The following RNF17 variants were observed in gnomAD, a reference collection of about 807,000 sequenced individuals.
RNF17 encodes ring finger protein 17.
A neutral mutation model predicts 200.5 loss-of-function variants in RNF17; 31 were observed. The observed-to-expected ratio is 0.15, with a 90% confidence interval of 0.12 to 0.21. The LOEUF (loss-of-function observed/expected upper bound fraction) is 0.21, where lower values mean the gene tolerates loss of function less well. Among genes scored for constraint, RNF17 ranks in the 10% least tolerant of loss-of-function variants. The pLI, the probability that RNF17 is intolerant of heterozygous loss-of-function variation, is 1.00. For missense variants in RNF17, 1,628 were observed against 1,905.1 expected (o/e 0.85, Z 2.71); for synonymous variants, 606 against 637.8 (o/e 0.95, Z 0.75).
rs148124136 is a variant in RNF17 at position 24,790,543 on chromosome 13, T to A, written c.935+771T>A. On this transcript the variant is annotated intron_variant, in intron 9 of 35. Transcript: ENST00000255324. Reference sequence around the variant, plus strand: ...ATTTCAAGTTCTCAGTAGCCACATGTCGTTAGTGACTACCTGTCTTATTCT... The same window carrying A: ...ATTTCAAGTTCTCAGTAGCCACATGACGTTAGTGACTACCTGTCTTATTCT... 4.4e-3 allele frequency among the ~76,000 whole-genome samples: 663 copies of A among 152,312 alleles called. 2 individuals carry two copies. The highest frequency in any genetic ancestry group is 6.8e-3 in the Middle Eastern group (2 of 294).
At chr13:24,765,216 C>T (rs576663233) in intron 1 of RNF17, among the ~76,000 whole-genome samples, 4 of 152,206 alleles carry the variant, frequency 2.6e-5, no homozygotes, top group Admixed American at 6.5e-5. Flanking sequence ...AGGGTTTCAC[C>T]GTGTTAGCCA....
Position 24,854,120 on chromosome 13 carries a change from A to G in RNF17, c.3586A>G (p.Ile1196Val), listed in dbSNP as rs557193633. Residue 1196 changes from isoleucine to valine, a missense_variant, in exon 25 of 36, where the codon ATA (isoleucine) becomes GTA (valine). Coordinates refer to ENST00000255324, the MANE Select transcript of RNF17 (RefSeq NM_031277.3). ...TVSCVGDDGT[I>V]FVVPKLSEFE... ...CAGCTGTGTTGGTGATGATGGAACT[A>G]TATTTGTAGTACCTAAACTATCAGG... 1.4e-5 allele frequency: 22 copies of G among 1,613,290 alleles called. No individual in the cohort carries two copies. In the Middle Eastern group the frequency reaches 8.3e-4, roughly 61 times the overall value.
intron 1 of RNF17, among the ~76,000 whole-genome samples, chr13:24,764,688 A>G (rs2137852321): frequency 6.6e-6 from 1 of 152,340 alleles, no homozygotes; most frequent in East Asian, 1.9e-4. Flanking sequence ...GTCATCAAGA[A>G]GGAACGAAAC....
chr13:24,813,765 A>G (rs566307916), intron 15 of RNF17, among the ~76,000 whole-genome samples: 20 of 147,334 alleles, frequency 1.4e-4, no homozygotes, highest in Admixed American at 1.3e-3. Flanking sequence ...AAGTAGCTAG[A>G]ACTGCAGGCA....
At chr13:24,784,360 G>A (rs1228295394) in intron 6 of RNF17, among the ~76,000 whole-genome samples, 1 of 152,190 alleles carries the variant, frequency 6.6e-6, no homozygotes, top group Non-Finnish European at 1.5e-5. Flanking sequence ...TGGCCTCATA[G>A]AGTGAGTTAG....
rs745590567 is a variant in RNF17, at chr13:24,842,053, A to G, written c.2495A>G (p.Asp832Gly). The G allele has an allele frequency of 1.9e-6, 3 of 1,607,792 alleles. No individual in the cohort carries two copies. The highest frequency in any genetic ancestry group is 1.7e-4 in the Middle Eastern group (1 of 6,028). Residue 832 changes from aspartate to glycine, a missense_variant, in exon 19 of 36, where the codon GAT becomes GGT. Transcript: ENST00000255324. The part of the protein sequence containing the change: ...MTCSVIKILE[D>G]NVLLVELFDS... ...AATGGTTTTACAGAAATTCTGGAAGATAATGTGCTCTTAGTTGAGCTTTTC... is the reference window on the plus strand; with the variant it reads ...AATGGTTTTACAGAAATTCTGGAAGGTAATGTGCTCTTAGTTGAGCTTTTC...
intron 10 of RNF17, among the ~76,000 whole-genome samples, chr13:24,795,588 A>G (rs1276367953): frequency 3.9e-5 from 6 of 152,170 alleles, no homozygotes; most frequent in South Asian, 2.1e-4. Flanking sequence ...AAGCACACGC[A>G]TTCCCCTAAA....
rs373755266 is a variant in RNF17 at position 24,788,820 on chromosome 13, A to T, written c.784-528A>T. 1.3e-3 allele frequency among the ~76,000 whole-genome samples: 198 copies of T among 152,250 alleles called. 1 individual carries two copies. Among genetic ancestry groups the T allele is most frequent in the African/African-American group, 4.6e-3 (193 of 41,574 alleles). On this transcript the variant is annotated intron_variant, in intron 7 of 35. Coordinates refer to ENST00000255324, the MANE Select transcript of RNF17 (RefSeq NM_031277.3). ...CTTTAGTCATCTTTGAATCTTCAGG[A>T]TCTCACTTCCCGTGGATAATCAGGT...
In RNF17 at chr13:24,764,429, A is replaced by C. The variant is rs959575534; in HGVS notation, c.130+96A>C. The C allele has an allele frequency of 3.5e-6, 5 of 1,435,744 alleles. No individual in the cohort carries two copies. The African/African-American group carries it at 5.6e-5, about 16-fold the overall frequency. 88.9% of individuals were successfully genotyped at this position (1,435,744 alleles called of 1,614,324 possible). A position where few individuals can be genotyped will look rare whatever the true frequency, so the allele number is the denominator to read the frequency against. On this transcript the variant is annotated intron_variant, in intron 1 of 35. Coordinates refer to ENST00000255324, the MANE Select transcript of RNF17 (RefSeq NM_031277.3). ...GGGCGCGTGAGGCTTGGTCAGCTGCATCCAATCCTGGTGTCACCAGAAACT... is the reference window on the plus strand; with the variant it reads ...GGGCGCGTGAGGCTTGGTCAGCTGCCTCCAATCCTGGTGTCACCAGAAACT...
At chr13:24,798,401 T>A (rs1489976215) in intron 11 of RNF17, among the ~76,000 whole-genome samples, 2 of 152,192 alleles carry the variant, frequency 1.3e-5, no homozygotes, top group Non-Finnish European at 2.9e-5. Flanking sequence ...ACTGACAAAC[T>A]GAAGATCAAA....
downstream of RNF17, among the ~76,000 whole-genome samples, chr13:24,881,319 T>G (rs1431981725): frequency 6.6e-6 from 1 of 151,950 alleles, no homozygotes; most frequent in Non-Finnish European, 1.5e-5. Flanking sequence ...TTTTGTATTT[T>G]TAGTAGAGAC....
chr13:24,861,160 T>C (rs1893061141), intron 26 of RNF17, 108 bp from the exon 27 acceptor site: 2 of 870,920 alleles, frequency 2.3e-6, no homozygotes, highest in Admixed American at 5.6e-5. Flanking sequence ...ATTATAGGCA[T>C]GAGCCATCAA....
intron 14 of RNF17, among the ~76,000 whole-genome samples, chr13:24,802,861 G>A (rs780098899): frequency 3.3e-5 from 5 of 152,072 alleles, no homozygotes; most frequent in Admixed American, 6.6e-5. Flanking sequence ...GACCAGGCTG[G>A]GCAACATAGC....
At chr13:24,874,653 C>T (rs1257262453) in intron 33 of RNF17, among the ~76,000 whole-genome samples, 1 of 152,070 alleles carries the variant, frequency 6.6e-6, no homozygotes, top group Non-Finnish European at 1.5e-5. Context: ...CTCAGGTGAT[C>T]CCCCCGCCTC....
chr13:24,787,826 G>A (rs1267733819), intron 6 of RNF17, among the ~76,000 whole-genome samples, 162 bp from the exon 7 acceptor site: 3 of 152,086 alleles, frequency 2.0e-5, no homozygotes, highest in Non-Finnish European at 4.4e-5. Context: ...ATCAACAAGT[G>A]AAAGTACCCT....
At chr13:24,850,029 G>A (rs550595532) in intron 22 of RNF17, among the ~76,000 whole-genome samples, 4 of 152,088 alleles carry the variant, frequency 2.6e-5, no homozygotes, top group African/African-American at 7.2e-5. Context: ...TACATGAAAT[G>A]TATATAATGA....
At chr13:24,862,587 C>T (rs1893207499) in intron 27 of RNF17, 126 bp from the exon 28 acceptor site, 2 of 611,812 alleles carry the variant, frequency 3.3e-6, no homozygotes, top group Admixed American at 4.8e-5. Flanking sequence ...TCTCTGAGAA[C>T]TGCTTGTGTA....
intron 6 of RNF17, among the ~76,000 whole-genome samples, chr13:24,782,450 A>C (rs1882516390): frequency 6.6e-6 from 1 of 151,996 alleles, no homozygotes; most frequent in South Asian, 2.1e-4. Flanking sequence ...ATCCTGCCTC[A>C]GCCTCCTAAA....
At chr13:24,773,052 A>G (rs1881016845) in intron 2 of RNF17, among the ~76,000 whole-genome samples, 1 of 152,174 alleles carries the variant, frequency 6.6e-6, no homozygotes, top group African/African-American at 2.4e-5. Context: ...AAAGTCAAAA[A>G]CTAACAGATG....
Sources: gnomAD v4.1 joint callset for allele counts (sites outside exome capture counted in the v4.1 genomes callset) on GRCh38, gnomAD v4.1.1 for gene constraint, MANE v1.5 for transcripts, NCBI Gene and HGNC (gene_info 2026-07-23, HGNC 2026-07-21) for gene names.